Variants in HSPG2 observed in about 807,000 individuals in gnomAD.
HSPG2 encodes basement membrane-specific heparan sulfate proteoglycan core protein.
In HSPG2, 278 loss-of-function variants were observed where a neutral mutation model predicts 526.6. The ratio of observed to expected loss-of-function variants is 0.53; its 90% CI spans 0.48 to 0.58. HSPG2 has a LOEUF of 0.58. Among genes scored for constraint, HSPG2 ranks in the 20% least tolerant of loss-of-function variants. The probability of loss-of-function intolerance (pLI) is 0.00; values close to 1 mark genes in which losing one functional copy is unlikely to be tolerated. For synonymous variants in HSPG2, 2,465 were observed against 2,555.4 expected, an observed-to-expected ratio of 0.96 and a Z score of 1.07; for missense variants, 5,354 against 6,099.5, an observed-to-expected ratio of 0.88 and a Z score of 4.07.
rs759625593 is a variant in HSPG2 at position 21,842,778 on chromosome 1, G to C, written c.8902C>G (p.Arg2968Gly). 2 of 1,613,206 alleles carry C rather than the reference G, an allele frequency of 1.2e-6. No homozygotes were observed. The highest frequency in any genetic ancestry group is 1.7e-5 in the Admixed American group (1 of 60,034). ...CATCCTGGCCCCTGTACCTGGTGCC[G>C]GGCGGGGAGGCTGCCCCCGCGCTTG... ...WYKRGGSLPA[R>G]HQTHGSQLRL... The change falls in exon 67 of 97, where the codon CGG becomes GGG. Residue 2968 changes from arginine (R) to glycine (G), a missense_variant. By Grantham distance (125) the Arg-to-Gly change is moderately radical. Transcript: ENST00000374695.
At chr1:21,903,577 T>C (rs1311116669) in intron 1 of HSPG2, among the ~76,000 whole-genome samples, 1 of 151,876 alleles carries the variant, frequency 6.6e-6, no homozygotes, top group African/African-American at 2.4e-5. Flanking sequence ...TCCAGCCTGG[T>C]CAACAAGAGC....
intron 33 of HSPG2, among the ~76,000 whole-genome samples, chr1:21,866,212 A>C (rs970835037): frequency 6.6e-6 from 1 of 152,228 alleles, no homozygotes; most frequent in African/African-American, 2.4e-5. Context: ...GGCTGACGGC[A>C]GCCCCTCGGA....
In HSPG2 at chr1:21,833,943, G is replaced by A. The variant is rs1014880941; in HGVS notation, c.10721-18C>T. On this transcript the variant is annotated intron_variant, in intron 77 of 96. Coordinates refer to ENST00000374695, the MANE Select transcript of HSPG2 (RefSeq NM_005529.7). Reference sequence around the variant, plus strand: ...GGGCAAGGCTGAGAGGCATGGAAGAGACATAGGCCATCAACATGACAGTCA... The same window carrying A: ...GGGCAAGGCTGAGAGGCATGGAAGAAACATAGGCCATCAACATGACAGTCA... The A allele has an allele frequency of 6.6e-7, 1 of 1,514,018 alleles. No homozygotes were observed. Among genetic ancestry groups the A allele is most frequent in the Admixed American group, 1.9e-5 (1 of 52,512 alleles). The allele number at this position is 1,514,018 out of a possible 1,614,324, so 93.8% of individuals were successfully genotyped here. A position where few individuals can be genotyped will look rare whatever the true frequency, so the allele number is the denominator to read the frequency against.
intron 74 of HSPG2, among the ~76,000 whole-genome samples, chr1:21,837,344 G>A (rs950559987): frequency 1.3e-5 from 2 of 152,102 alleles, no homozygotes; most frequent in South Asian, 2.1e-4. Flanking sequence ...GCAGTGGCAC[G>A]ATCTCAGCTC....
Position 21,879,005 on chromosome 1 carries a change from A to G in HSPG2, c.2460T>C (p.Asp820=), listed in dbSNP as rs751116066. The G allele has an allele frequency of 6.2e-7, 1 of 1,613,898 alleles. No homozygotes were observed. The highest frequency in any genetic ancestry group is 1.1e-5 in the South Asian group (1 of 91,060). The change falls in exon 18 of 97, where the codon GAT becomes GAC. Residue 820 remains aspartate (D), a synonymous_variant. Coordinates refer to ENST00000374695, the MANE Select transcript of HSPG2 (RefSeq NM_005529.7). ...SCRPCPCPYI[D]ASRRFSDTCF... ...GAGCTGGGGCTGACCTGCGGGAGGC[A>G]TCGATGTATGGGCAAGGGCAGGGCC...
At chr1:21,870,938 A>G in intron 33 of HSPG2, 1 of 939,836 alleles carries the variant, frequency 1.1e-6, no homozygotes, top group Non-Finnish European at 1.3e-6. Context: ...AGGACAGGGC[A>G]GCAGGGAGGC....
rs189811325 is a variant in HSPG2, at chr1:21,888,035, G to A, written c.606C>T (p.Ala202=). The A allele has an allele frequency of 5.0e-5, 80 of 1,614,118 alleles. No individual in the cohort carries two copies. Among genetic ancestry groups the A allele is most frequent in the Non-Finnish European group, 6.4e-5 (76 of 1,180,030 alleles). ...CATTGTAGCTGTGGCAGGCAAACTCGGCCTCCGTGCAGGCTCTTGGGAACT... is the reference window on the plus strand; with the variant it reads ...CATTGTAGCTGTGGCAGGCAAACTCAGCCTCCGTGCAGGCTCTTGGGAACT... ...VPQFPRACTE[A]EFACHSYNEC... The change falls in exon 7 of 97, where the codon GCC becomes GCT. Residue 202 remains alanine (A), a synonymous_variant. Coordinates refer to ENST00000374695, the MANE Select transcript of HSPG2 (RefSeq NM_005529.7).
In HSPG2 at chr1:21,899,623, G is replaced by A. The variant is rs539691826; in HGVS notation, c.64-3313C>T. Among the ~76,000 whole-genome samples the A allele has an allele frequency of 5.9e-5, 9 of 152,310 alleles. No homozygotes were observed. In the East Asian group the frequency reaches 1.7e-3, roughly 29 times the overall value. ...TCTGTGACCAGGGGTATGCAATGAA[G>A]CAGATATGAGATCACTGGGAGTCAC... On this transcript the variant is annotated intron_variant, in intron 1 of 96. Coordinates refer to ENST00000374695, the MANE Select transcript of HSPG2 (RefSeq NM_005529.7).
rs778278043 is a variant in HSPG2 at position 21,831,232 on chromosome 1, G to A, written c.11545C>T (p.Arg3849Trp). The change falls in exon 84 of 97, where the codon CGG becomes TGG. Residue 3849 changes from arginine (R) to tryptophan (W), a missense_variant. Coordinates refer to ENST00000374695, the MANE Select transcript of HSPG2 (RefSeq NM_005529.7). The stretch of plus-strand genomic sequence containing the variant: ...GGGGTCACCTGGCAGGGCCGGTCCC[G>A]ACAGGTGGGGCAGTGGGAGATGCCG... ...AHGISHCPTC[R>W]DRPCQNGGQC... The A allele has an allele frequency of 6.8e-6, 11 of 1,613,762 alleles. No homozygotes were observed. The highest frequency in any genetic ancestry group is 6.7e-5 in the African/African-American group (5 of 74,908).
chr1:21,824,851 C>T lies in HSPG2; in HGVS notation c.12590-72G>A. 2 of 1,373,646 alleles carry T rather than the reference C, an allele frequency of 1.5e-6. No individual in the cohort carries two copies. The highest frequency in any genetic ancestry group is 1.0e-6 in the Non-Finnish European group (1 of 983,624). The allele number at this position is 1,373,646 out of a possible 1,614,324, so 85.1% of individuals were successfully genotyped here. ...AAAATCCCCCGTCAGTTCCCCTGACCCCCACCTCCACGCCAACATGCAGGA... is the reference window on the plus strand; with the variant it reads ...AAAATCCCCCGTCAGTTCCCCTGACTCCCACCTCCACGCCAACATGCAGGA... On this transcript the variant is annotated intron_variant, in intron 91 of 96. Coordinates refer to ENST00000374695, the MANE Select transcript of HSPG2 (RefSeq NM_005529.7). The surrounding 1 kb of genome is among the most constrained non-coding windows in gnomAD (Gnocchi z 5.9).
In HSPG2 at chr1:21,834,796, G is replaced by A; in HGVS notation, c.10603C>T (p.Gln3535Ter). The change falls in exon 77 of 97, where the codon CAG becomes TAG. Residue 3535 changes from glutamine (Q) to a stop codon, truncating the protein, a stop_gained. Transcript: ENST00000374695. LOFTEE classifies it high-confidence loss of function. ...GCGATCCTGACGACACCTCCGCTCT[G>A]CACAATGCCTGGCCGCAGGTGCCCT... ...VGGHLRPGIVQSGGVVRIAHV... is the reference protein window; with the variant it reads ...VGGHLRPGIV 6.2e-7 allele frequency: 1 copy of A among 1,614,158 alleles called. No individual in the cohort carries two copies. The highest frequency in any genetic ancestry group is 8.5e-7 in the Non-Finnish European group (1 of 1,180,042).
rs746839311 is a variant in HSPG2 at position 21,887,581 on chromosome 1, G to A, written c.797C>T (p.Pro266Leu). Residue 266 changes from proline (P) to leucine (L), a missense_variant, in exon 8 of 97, where the codon CCA becomes CTA. Coordinates refer to ENST00000374695, the MANE Select transcript of HSPG2 (RefSeq NM_005529.7). This position sits in a 1 kb window ranked among gnomAD's most constrained non-coding sequence, Gnocchi z 5.0. ...GGGCTGAGGAGCGTGGGTGACTGGTGGCTGTCGCATGATGGTTGTCTCTGG... is the reference window on the plus strand; with the variant it reads ...GGGCTGAGGAGCGTGGGTGACTGGTAGCTGTCGCATGATGGTTGTCTCTGG... Reference protein sequence around the residue: ...PRPETTIMRQPPVTHAPQPLL... With the variant: ...PRPETTIMRQLPVTHAPQPLL... 5 of 1,614,126 alleles carry A rather than the reference G, an allele frequency of 3.1e-6. No homozygotes were observed. In the Admixed American group the frequency reaches 5.0e-5, roughly 16 times the overall value.
intron 1 of HSPG2, among the ~76,000 whole-genome samples, chr1:21,930,735 C>G (rs1644325702): frequency 6.6e-6 from 1 of 151,394 alleles, no homozygotes; most frequent in Admixed American, 6.6e-5. Flanking sequence ...GATCATACCA[C>G]TGCACTCTAG....
At position 21,829,592 on chromosome 1, in the gene HSPG2, G is replaced by T; in HGVS notation, c.11783C>A (p.Thr3928Asn). ...GCCAGCACCCGACAGCGAGGGGGTG[G>T]TCACTGTCACACCTGCAGCAGCCAC... ...GLRCEEGVTV[T>N]TPSLSGAGSY... is the part of the protein sequence containing the mutation. Residue 3928 changes from threonine to asparagine, a missense_variant, in exon 87 of 97, where the codon ACC becomes AAC. Transcript: ENST00000374695. The T allele has an allele frequency of 6.2e-7, 1 of 1,605,874 alleles. No homozygotes were observed. Among genetic ancestry groups the T allele is most frequent in the African/African-American group, 1.3e-5 (1 of 74,918 alleles).
Position 21,889,684 on chromosome 1 carries a change from T to C in HSPG2, c.574+297A>G, listed in dbSNP as rs890975721. The C allele has an allele frequency of 5.4e-5, 23 of 427,542 alleles. 1 individual carries two copies. The highest frequency in any genetic ancestry group is 4.7e-4 in the African/African-American group (23 of 48,828). 26.5% of individuals were successfully genotyped at this position (427,542 alleles called of 1,614,324 possible). On this transcript the variant is annotated intron_variant, in intron 6 of 96. Transcript: ENST00000374695. ...TAAACAGTTGCTCATTATTATTAAG[T>C]ACTAATGTGTTTTGGACTTGGAAGT...
intron 65 of HSPG2, among the ~76,000 whole-genome samples, chr1:21,843,646 G>C (rs550208561): frequency 6.6e-6 from 1 of 152,042 alleles, no homozygotes; most frequent in Non-Finnish European, 1.5e-5. Context: ...AGTAACAGGT[G>C]TCCTTTTCTT....
rs756658457 is a variant in HSPG2, at chr1:21,880,206, G to T, written c.2244C>A (p.His748Gln). The change falls in exon 17 of 97, where the codon CAC becomes CAA. Residue 748 changes from histidine (H) to glutamine (Q), a missense_variant. By Grantham distance (24) the His-to-Gln change is conservative. Transcript: ENST00000374695. ...SGLSCESCDA[H>Q]FTRVPGGPYL... ...AGGGCCCACCAGGCACCCGAGTGAA[G>T]TGGGCATCACAGCTCTCGCAGGACA... The T allele has an allele frequency of 1.2e-5, 20 of 1,614,192 alleles. No homozygotes were observed. In the East Asian group the frequency reaches 2.9e-4, roughly 23 times the overall value.
At chr1:21,886,443 G>C (rs572936852) in intron 9 of HSPG2, among the ~76,000 whole-genome samples, 1 of 152,286 alleles carries the variant, frequency 6.6e-6, no homozygotes, top group South Asian at 2.1e-4. Context: ...CTCACAGCAG[G>C]AACATGGACA....
In HSPG2 at chr1:21,841,215, C is replaced by A. The variant is rs1452549779; in HGVS notation, c.9399G>T (p.Glu3133Asp). The change falls in exon 71 of 97, where the codon GAG (glutamate) becomes GAT (aspartate). Residue 3133 changes from glutamate (E) to aspartate (D), a missense_variant. Glu to Asp is a conservative substitution (Grantham distance 45). Transcript: ENST00000374695. ...AGCGGGGCTCCCCGGCACTGACACA[C>A]TCCAGGGTGACAGCCTTTCCCACTT... ...WVKVGKAVTL[E>D]CVSAGEPRSS... 6 of 1,613,810 alleles carry A rather than the reference C, an allele frequency of 3.7e-6. No homozygotes were observed. The highest frequency in any genetic ancestry group is 1.3e-5 in the African/African-American group (1 of 74,952).
Sources: gnomAD v4.1 joint callset for allele counts (sites outside exome capture counted in the v4.1 genomes callset) on GRCh38, gnomAD v4.1.1 for gene constraint, Gnocchi (gnomAD v3.1) non-coding constraint, MANE v1.5 for transcripts, NCBI Gene and HGNC (gene_info 2026-07-23, HGNC 2026-07-21) for gene names.